Variants in PIEZO2 observed in about 807,000 individuals in gnomAD.
PIEZO2 encodes piezo-type mechanosensitive ion channel component 2.
Under a neutral mutation model 337.3 loss-of-function variants are expected in PIEZO2, and 172 were observed. The observed-to-expected ratio is 0.51, with a 90% CI of 0.45 to 0.58. The LOEUF is 0.58. PIEZO2 is among the 20% of genes least tolerant of loss of function. PIEZO2 has a pLI of 0.00. For missense variants in PIEZO2, 3,028 were observed against 3,391.3 expected (o/e 0.89, Z 2.66); for synonymous variants, 1,251 against 1,228.5 (o/e 1.02, Z -0.38).
chr18:10,950,911 G>T (rs531044503), intron 3 of PIEZO2, among the ~76,000 whole-genome samples: 1 of 152,234 alleles, frequency 6.6e-6, no homozygotes, highest in South Asian at 2.1e-4. Context: ...CTCTGCAATT[G>T]CCTTAGTTTG....
rs902896721 is a variant in PIEZO2 at position 10,993,117 on chromosome 18, A to T, written c.161-13457T>A. Reference sequence around the variant, plus strand: ...TGAAGCTGCTTATCAGCTTAAGGAGATTTGGGGCTGAGACGATGGGGTTTT... The same window carrying T: ...TGAAGCTGCTTATCAGCTTAAGGAGTTTTGGGGCTGAGACGATGGGGTTTT... On this transcript the variant is annotated intron_variant, in intron 2 of 55. Coordinates refer to ENST00000674853, the MANE Select transcript of PIEZO2 (RefSeq NM_001378183.1). This position sits in a 1 kb window ranked among gnomAD's most constrained non-coding sequence, Gnocchi z 5.0. Among the ~76,000 whole-genome samples, 5 of 152,068 alleles carry T rather than the reference A, an allele frequency of 3.3e-5. No individual in the cohort carries two copies. Among genetic ancestry groups the T allele is most frequent in the African/African-American group, 1.2e-4 (5 of 41,430 alleles).
Position 10,677,546 on chromosome 18 carries a change from C to A in PIEZO2, c.8081+201G>T. 3.7e-6 allele frequency: 2 copies of A among 535,484 alleles called. No individual in the cohort carries two copies. The highest frequency in any genetic ancestry group is 6.3e-6 in the Non-Finnish European group (2 of 318,522). 33.2% of individuals were successfully genotyped at this position (535,484 alleles called of 1,614,324 possible). Reference sequence around the variant, plus strand: ...ACCCTCATTTGGAACATAGACATAACCCTGGGGACAGTGGACAGAAAACTC... The same window carrying A: ...ACCCTCATTTGGAACATAGACATAAACCTGGGGACAGTGGACAGAAAACTC... On this transcript the variant is annotated intron_variant, in intron 53 of 55. Coordinates refer to ENST00000674853, the MANE Select transcript of PIEZO2 (RefSeq NM_001378183.1). This position sits in a 1 kb window ranked among gnomAD's most constrained non-coding sequence, Gnocchi z 4.1.
chr18:10,923,519 G>A (rs79795096), intron 3 of PIEZO2, among the ~76,000 whole-genome samples: 1,831 of 152,276 alleles, frequency 0.012, 40 homozygotes, highest in African/African-American at 0.042. Context: ...AAGAGGCCAC[G>A]TTAGAGAATC....
intron 35 of PIEZO2, among the ~76,000 whole-genome samples, chr18:10,734,634 T>G (rs971027377): frequency 1.3e-5 from 2 of 152,232 alleles, no homozygotes; most frequent in Non-Finnish European, 2.9e-5. Context: ...GCTGAATAAC[T>G]TCAACTGTGC....
intron 3 of PIEZO2, among the ~76,000 whole-genome samples, chr18:10,931,219 G>A (rs998408605): frequency 6.6e-6 from 1 of 151,568 alleles, no homozygotes; most frequent in Non-Finnish European, 1.5e-5. Flanking sequence ...ATTCTGAGAC[G>A]GAGTCTCGCT....
intron 5 of PIEZO2, among the ~76,000 whole-genome samples, chr18:10,868,415 T>C (rs1466673057): frequency 1.3e-5 from 2 of 152,218 alleles, no homozygotes; most frequent in East Asian, 1.9e-4. Flanking sequence ...GATTGTCACA[T>C]GGAAGCAATT....
At chr18:10,933,697 C>T (rs549159125) in intron 3 of PIEZO2, among the ~76,000 whole-genome samples, 4 of 152,158 alleles carry the variant, frequency 2.6e-5, no homozygotes, top group African/African-American at 9.7e-5. Context: ...AATGAAGGGG[C>T]GGTGACATGA....
In PIEZO2 at chr18:10,830,756, G is replaced by C. The variant is rs900988699; in HGVS notation, c.918-23482C>G. ...AGTAAAGAGACAATTCACAGAATGG[G>C]AAAAAATACTTGCAGACCATCCATC... On this transcript the variant is annotated intron_variant, in intron 7 of 55. Coordinates refer to ENST00000674853, the MANE Select transcript of PIEZO2 (RefSeq NM_001378183.1). The surrounding 1 kb of genome is among the most constrained non-coding windows in gnomAD (Gnocchi z 4.7). Among the ~76,000 whole-genome samples the C allele has an allele frequency of 2.0e-5, 3 of 152,068 alleles. No individual in the cohort carries two copies. The highest frequency in any genetic ancestry group is 7.2e-5 in the African/African-American group (3 of 41,406).
intron 2 of PIEZO2, among the ~76,000 whole-genome samples, chr18:11,019,791 T>C (rs2036246701): frequency 6.6e-6 from 1 of 152,236 alleles, no homozygotes; most frequent in Non-Finnish European, 1.5e-5. Context: ...GCAACTGATA[T>C]ACTCTATCTC....
Position 11,148,407 on chromosome 18 carries a change from C to G in PIEZO2, c.64+118G>C. On this transcript the variant is annotated intron_variant, in intron 1 of 55. Coordinates refer to ENST00000674853, the MANE Select transcript of PIEZO2 (RefSeq NM_001378183.1). The surrounding 1 kb of genome is among the most constrained non-coding windows in gnomAD (Gnocchi z 5.2). ...ACCAGGGACAGCGCGCGTCTGACGC[C>G]GCTGGCCTCCCGAATCGAACCCCAG... 2 of 1,188,964 alleles carry G rather than the reference C, an allele frequency of 1.7e-6. No individual in the cohort carries two copies. Among genetic ancestry groups the G allele is most frequent in the South Asian group, 2.8e-5 (2 of 71,350 alleles). The allele number at this position is 1,188,964 out of a possible 1,614,324, so 73.7% of individuals were successfully genotyped here.
At chr18:10,770,602 G>A (rs773590850) in intron 20 of PIEZO2, among the ~76,000 whole-genome samples, 20 of 152,064 alleles carry the variant, frequency 1.3e-4, no homozygotes, top group Non-Finnish European at 2.2e-4. Flanking sequence ...CCACTCGCTT[G>A]CTTGCTTGCT....
intron 27 of PIEZO2, among the ~76,000 whole-genome samples, chr18:10,756,584 G>A (rs1045358076): frequency 6.9e-6 from 1 of 144,516 alleles, no homozygotes; most frequent in Non-Finnish European, 1.5e-5. Flanking sequence ...GCAGATAAAG[G>A]ATGAAAGATG....
intron 43 of PIEZO2, among the ~76,000 whole-genome samples, chr18:10,700,144 A>AAG (rs1182897537): frequency 1.3e-5 from 2 of 152,204 alleles, no homozygotes; most frequent in Non-Finnish European, 2.9e-5. Flanking sequence ...TTATTTTAAG[A>AAG]GTTGTTTCCT....
intron 7 of PIEZO2, among the ~76,000 whole-genome samples, chr18:10,849,599 C>A (rs11080462): frequency 0.3 from 46,331 of 151,936 alleles, 7,365 homozygotes; most frequent in African/African-American, 0.41. Flanking sequence ...ATCCCTGAAC[C>A]GTAAACGGGG....
At chr18:10,740,649 C>T (rs2144148555) in intron 33 of PIEZO2, 6 of 318,962 alleles carry the variant, frequency 1.9e-5, no homozygotes, top group South Asian at 1.4e-4. Context: ...CAAGGTGGAG[C>T]CCAAGCTCAT....
chr18:10,900,178 TACACACACACACAC>T (rs56708718), intron 4 of PIEZO2, among the ~76,000 whole-genome samples: 3 of 148,400 alleles, frequency 2.0e-5, no homozygotes, highest in Admixed American at 6.8e-5. Flanking sequence ...TTACTTTTGT[TACACACACACACAC>T]ACACACACAC....
At chr18:10,723,993 TGAG>T (rs1184190870) in intron 36 of PIEZO2, among the ~76,000 whole-genome samples, 5 of 152,264 alleles carry the variant, frequency 3.3e-5, no homozygotes, top group African/African-American at 1.2e-4. Context: ...GGGGTGGCAC[TGAG>T]AAGATGCCAT....
intron 1 of PIEZO2, among the ~76,000 whole-genome samples, chr18:11,100,021 A>G (rs892910640): frequency 2.6e-5 from 4 of 152,150 alleles, no homozygotes; most frequent in Non-Finnish European, 5.9e-5. Context: ...AAAACTTATT[A>G]TTTTATATTA....
intron 35 of PIEZO2, among the ~76,000 whole-genome samples, chr18:10,734,553 T>C (rs1025848314): frequency 6.6e-6 from 1 of 152,234 alleles, no homozygotes. Context: ...GAGAAAGGGC[T>C]TTCTATAAAA....
Sources: gnomAD v4.1 joint callset for allele counts (sites outside exome capture counted in the v4.1 genomes callset) on GRCh38, gnomAD v4.1.1 for gene constraint, Gnocchi (gnomAD v3.1) non-coding constraint, MANE v1.5 for transcripts, NCBI Gene and HGNC (gene_info 2026-07-23, HGNC 2026-07-21) for gene names.